Variants in STPG2 observed in about 807,000 individuals in gnomAD.
STPG2 encodes sperm-tail PG-rich repeat-containing protein 2.
In STPG2, 56 loss-of-function variants were observed where a neutral mutation model predicts 54.2. The observed-to-expected ratio is 1.03, with a 90% CI of 0.83 to 1.29. The LOEUF (loss-of-function observed/expected upper bound fraction) is 1.29. Among genes scored for constraint, STPG2 ranks in the 50% most tolerant of loss-of-function variants. The pLI is 0.00. For missense variants in STPG2, 596 were observed against 544.9 expected, an observed-to-expected ratio of 1.09 and a Z score of -0.93; for synonymous variants, 200 against 181.8, an observed-to-expected ratio of 1.10 and a Z score of -0.81.
intron 10 of STPG2, among the ~76,000 whole-genome samples, chr4:97,582,885 A>G (rs1732897152): frequency 6.6e-6 from 1 of 152,072 alleles, no homozygotes; most frequent in Admixed American, 6.6e-5. Flanking sequence ...GCTGGGAGGA[A>G]AAAAGGTCTG....
intron 8 of STPG2, among the ~76,000 whole-genome samples, chr4:97,855,727 T>C (rs1025665501): frequency 2.8e-4 from 42 of 152,344 alleles, no homozygotes; most frequent in Admixed American, 5.9e-4. Flanking sequence ...GTTTTTATCA[T>C]GAAATCTTTG....
intron 8 of STPG2, among the ~76,000 whole-genome samples, chr4:97,918,092 G>C (rs1731953485): frequency 6.6e-6 from 1 of 151,998 alleles, no homozygotes; most frequent in Non-Finnish European, 1.5e-5. Flanking sequence ...TAAATCTCAT[G>C]GCAAATGTTC....
At chr4:97,935,716 A>G (rs781352600) in intron 8 of STPG2, among the ~76,000 whole-genome samples, 1 of 152,170 alleles carries the variant, frequency 6.6e-6, no homozygotes, top group South Asian at 2.1e-4. Flanking sequence ...CCTGAGTTCT[A>G]ATTTGATTGC....
At chr4:98,025,936 T>C (rs1736406615) in intron 5 of STPG2, 3 of 1,452,384 alleles carry the variant, frequency 2.1e-6, no homozygotes, top group Non-Finnish European at 1.9e-6. Context: ...CTGGTTATGA[T>C]TCTGAAAGCA....
At chr4:97,930,548 T>TGTACCAGTGCCATGCTGTTTTG (rs1284179059) in intron 8 of STPG2, among the ~76,000 whole-genome samples, 3 of 152,324 alleles carry the variant, frequency 2.0e-5, no homozygotes, top group Non-Finnish European at 4.4e-5. Context: ...TGCCTGTTTT[T>TGTACCAGTGCCATGCTGTTTTG]GTACCAGTGC....
chr4:98,141,154 T>C (rs1263466066), intron 1 of STPG2, among the ~76,000 whole-genome samples: 3 of 152,176 alleles, frequency 2.0e-5, no homozygotes, highest in African/African-American at 7.2e-5. Context: ...TTTAATCCTA[T>C]ATATAGTGGC....
At chr4:97,631,936 AAC>A in intron 10 of STPG2, among the ~76,000 whole-genome samples, 1 of 152,218 alleles carries the variant, frequency 6.6e-6, no homozygotes, top group Non-Finnish European at 1.5e-5. Flanking sequence ...GAAAGACAAA[AAC>A]AGTTAGAAAA....
intron 5 of STPG2, among the ~76,000 whole-genome samples, chr4:98,048,171 C>A (rs541261782): frequency 4.6e-5 from 7 of 152,138 alleles, no homozygotes; most frequent in Non-Finnish European, 8.8e-5. Flanking sequence ...CATAACTCTC[C>A]AGCTTGGAAA....
At chr4:97,961,202 G>A (rs905053490) in intron 7 of STPG2, among the ~76,000 whole-genome samples, 1 of 151,740 alleles carries the variant, frequency 6.6e-6, no homozygotes, top group South Asian at 2.1e-4. Flanking sequence ...ATCAACTCAA[G>A]ATGGGTCAAG....
At chr4:97,546,440 C>T (rs1328298717) in intron 4 of STPG2, among the ~76,000 whole-genome samples, 2 of 151,884 alleles carry the variant, frequency 1.3e-5, no homozygotes, top group Admixed American at 1.3e-4. Flanking sequence ...AATAAAATGA[C>T]AGAATAAGAT....
At chr4:97,889,901 T>C (rs556720871) in intron 8 of STPG2, among the ~76,000 whole-genome samples, 1 of 152,282 alleles carries the variant, frequency 6.6e-6, no homozygotes, top group African/African-American at 2.4e-5. Context: ...TTTGTTGTTT[T>C]ATTCTTAAAA....
intron 5 of STPG2, among the ~76,000 whole-genome samples, chr4:98,022,651 A>G (rs1236685768): frequency 6.6e-6 from 1 of 152,118 alleles, no homozygotes; most frequent in African/African-American, 2.4e-5. Flanking sequence ...ACTTTCAGGT[A>G]CATCAATCAG....
chr4:97,481,978 T>C (rs1346354709), intron 4 of STPG2, among the ~76,000 whole-genome samples: 1 of 151,628 alleles, frequency 6.6e-6, no homozygotes, highest in East Asian at 1.9e-4. Flanking sequence ...TGTAATCTTT[T>C]CGTATAAATC....
intron 4 of STPG2, among the ~76,000 whole-genome samples, chr4:97,450,948 A>C (rs1305719560): frequency 6.6e-6 from 1 of 152,142 alleles, no homozygotes; most frequent in East Asian, 1.9e-4. Context: ...ATTTACATAT[A>C]TTTTTAAATA....
At chr4:97,957,980 C>T (rs1427810296) in intron 7 of STPG2, among the ~76,000 whole-genome samples, 1 of 152,040 alleles carries the variant, frequency 6.6e-6, no homozygotes, top group Non-Finnish European at 1.5e-5. Context: ...GACCATAAAT[C>T]TCACAGGACC....
intron 4 of STPG2, among the ~76,000 whole-genome samples, chr4:97,453,803 G>A (rs1290114415): frequency 3.3e-5 from 5 of 152,128 alleles, no homozygotes; most frequent in Admixed American, 1.3e-4. Flanking sequence ...CTGGCACCAC[G>A]CTCAGCACAA....
chr4:98,020,229 G>A lies in STPG2; in HGVS notation c.613-38911C>T, dbSNP rs372413214. Among the ~76,000 whole-genome samples the A allele has an allele frequency of 3.4e-3, 374 of 108,874 alleles. 19 individuals carry two copies. Among genetic ancestry groups the A allele is most frequent in the Non-Finnish European group, 5.9e-3 (293 of 49,478 alleles). The allele number at this position is 108,874 out of a possible 152,430, so 71.4% of individuals were successfully genotyped here. A position where few individuals can be genotyped will look rare whatever the true frequency, so the allele number is the denominator to read the frequency against. On this transcript the variant is annotated intron_variant, in intron 5 of 10. Transcript: ENST00000295268. ...TTTATTGAGAGTTTTTAGCATGAAG[G>A]GTTGTTGAATTTTGTCAAAGGCCTT...
At chr4:98,136,252 C>CCTTTAAGGTG (rs1342845677) in intron 1 of STPG2, among the ~76,000 whole-genome samples, 1 of 151,284 alleles carries the variant, frequency 6.6e-6, no homozygotes, top group African/African-American at 2.4e-5. Flanking sequence ...ATTCTTAATC[C>CCTTTAAGGTG]CTTTAAAAAA....
intron 5 of STPG2, among the ~76,000 whole-genome samples, chr4:98,104,574 TAAC>T (rs564534245): frequency 0.012 from 1,893 of 152,280 alleles, 18 homozygotes; most frequent in Middle Eastern, 0.027. Flanking sequence ...TATGCAAAAA[TAAC>T]AATACTTTCA....
Sources: allele counts gnomAD v4.1 joint callset (sites outside exome capture counted in the v4.1 genomes callset), GRCh38; gene constraint gnomAD v4.1.1; transcripts MANE v1.5; gene names NCBI Gene and HGNC (gene_info 2026-07-23, HGNC 2026-07-21).